RBFOX1: variants seen among roughly 807,000 people sequenced by gnomAD.
RBFOX1 encodes RNA binding protein fox-1 homolog 1.
In RBFOX1, 8 loss-of-function variants were observed where a neutral mutation model predicts 57.7. The observed-to-expected ratio is 0.14, with a 90% CI of 0.08 to 0.25. The LOEUF is 0.25. Ranked by LOEUF, RBFOX1 falls within the 10% of genes least tolerant of loss-of-function variation. The pLI is 1.00. For missense variants in RBFOX1, 611 were observed against 548.5 expected, an observed-to-expected ratio of 1.11 and a Z score of -1.14; for synonymous variants, 326 against 222.4, an observed-to-expected ratio of 1.47 and a Z score of -4.15.
At chr16:6,520,710 C>G (rs1353291485) in intron 2 of RBFOX1, among the ~76,000 whole-genome samples, 1 of 152,128 alleles carries the variant, frequency 6.6e-6, no homozygotes, top group Admixed American at 6.6e-5. Context: ...TTAGTTTGAT[C>G]CAGACACCCT....
Position 6,840,957 on chromosome 16 carries a change from T to C in RBFOX1, c.-16+186307T>C, listed in dbSNP as rs1430683107. 2.6e-5 allele frequency among the ~76,000 whole-genome samples: 4 copies of C among 151,578 alleles called. No individual in the cohort carries two copies. In the East Asian group the frequency reaches 7.7e-4, roughly 29 times the overall value. On this transcript the variant is annotated intron_variant, in intron 3 of 15. Coordinates refer to ENST00000550418, the MANE Select transcript of RBFOX1 (RefSeq NM_018723.4). ...CGCTTTAATCATGTGAAGTTAGAGT[T>C]AAGGGTATCTACCAGGAGGTGGACA... is the stretch of plus-strand genomic sequence containing the variant.
intron 3 of RBFOX1, among the ~76,000 whole-genome samples, chr16:6,759,509 G>C (rs941958528): frequency 3.7e-5 from 5 of 136,330 alleles, no homozygotes; most frequent in Non-Finnish European, 8.1e-5. Context: ...GTGTGTGTGT[G>C]TGTGTGTGTG....
chr16:7,069,732 C>A (rs1253944292), intron 4 of RBFOX1, among the ~76,000 whole-genome samples: 1 of 152,116 alleles, frequency 6.6e-6, no homozygotes, highest in African/African-American at 2.4e-5. Flanking sequence ...GTGTGTTCTG[C>A]CATCTCCCAG....
At chr16:6,813,456 C>T (rs1306116146) in intron 3 of RBFOX1, among the ~76,000 whole-genome samples, 3 of 152,112 alleles carry the variant, frequency 2.0e-5, no homozygotes, top group Admixed American at 6.6e-5. Flanking sequence ...ACCCCAGCTC[C>T]TTCTTAGGTT....
intron 3 of RBFOX1, among the ~76,000 whole-genome samples, chr16:6,729,190 T>C (rs1422726565): frequency 6.6e-6 from 1 of 152,166 alleles, no homozygotes; most frequent in African/African-American, 2.4e-5. Context: ...AAAATAGACT[T>C]ACCTGGGAGA....
At position 7,128,701 on chromosome 16, in the gene RBFOX1, C is replaced by G. The variant is rs950277518; in HGVS notation, c.27+76603C>G. ...TGGATTCAGAGGGTGGGGAACTAAACTCTACCACTTGATGGGAGGATGTTC... is the reference window on the plus strand; with the variant it reads ...TGGATTCAGAGGGTGGGGAACTAAAGTCTACCACTTGATGGGAGGATGTTC... On this transcript the variant is annotated intron_variant, in intron 4 of 15. Coordinates refer to ENST00000550418, the MANE Select transcript of RBFOX1 (RefSeq NM_018723.4). Among the ~76,000 whole-genome samples the G allele has an allele frequency of 1.3e-5, 2 of 152,114 alleles. 1 individual carries two copies. The highest frequency in any genetic ancestry group is 4.8e-5 in the African/African-American group (2 of 41,418).
At chr16:7,576,916 G>A (rs931654686) in intron 5 of RBFOX1, among the ~76,000 whole-genome samples, 6 of 152,124 alleles carry the variant, frequency 3.9e-5, no homozygotes, top group Admixed American at 2.0e-4. Context: ...TGTAAACTCC[G>A]AGTCTGGGTG....
At chr16:6,025,413 G>A (rs1428883659) in intron 1 of RBFOX1, among the ~76,000 whole-genome samples, 1 of 152,172 alleles carries the variant, frequency 6.6e-6, no homozygotes. Flanking sequence ...GTGTGAGGGT[G>A]GAAGACCCTG....
chr16:6,036,093 G>C (rs1387982896), intron 1 of RBFOX1, among the ~76,000 whole-genome samples: 3 of 152,100 alleles, frequency 2.0e-5, no homozygotes, highest in Non-Finnish European at 4.4e-5. Context: ...TCAAAGCCTG[G>C]TGGAGGCAGC....
Position 6,895,448 on chromosome 16 carries a change from G to GTATA in RBFOX1, c.-15-156573_-15-156570dup, listed in dbSNP as rs71147622. Reference sequence around the variant, plus strand: ...TGTGTGTGTGTGTGTGTGTGTGTGTGTATATATATATATATATATATATAT... The same window carrying GTATA: ...TGTGTGTGTGTGTGTGTGTGTGTGTGTATATATATATATATATATATATATATAT... On this transcript the variant is annotated intron_variant, in intron 3 of 15. Coordinates refer to ENST00000550418, the MANE Select transcript of RBFOX1 (RefSeq NM_018723.4). Among the ~76,000 whole-genome samples the GTATA allele has an allele frequency of 2.7e-3, 146 of 54,590 alleles. 1 individual carries two copies. The highest frequency in any genetic ancestry group is 3.6e-3 in the Non-Finnish European group (108 of 29,926). The allele number at this position is 54,590 out of a possible 152,430, so 35.8% of individuals were successfully genotyped here.
chr16:7,014,361 C>T (rs745510835), intron 3 of RBFOX1, among the ~76,000 whole-genome samples: 5 of 152,008 alleles, frequency 3.3e-5, no homozygotes, highest in Non-Finnish European at 5.9e-5. Context: ...TACAGTCATG[C>T]ATCACCACGC....
intron 3 of RBFOX1, among the ~76,000 whole-genome samples, chr16:6,819,357 AACAC>A (rs970893204): frequency 6.6e-6 from 1 of 152,102 alleles, no homozygotes; most frequent in African/African-American, 2.4e-5. Flanking sequence ...GTCTACAGTG[AACAC>A]ACACACACAT....
chr16:6,069,099 A>G (rs1432769028), intron 1 of RBFOX1, among the ~76,000 whole-genome samples: 1 of 152,090 alleles, frequency 6.6e-6, no homozygotes, highest in Admixed American at 6.6e-5. Flanking sequence ...GAGCGAGGGA[A>G]GAGAAAAAGA....
intron 4 of RBFOX1, among the ~76,000 whole-genome samples, chr16:7,161,116 A>T (rs1232705716): frequency 1.3e-5 from 2 of 151,534 alleles, no homozygotes; most frequent in African/African-American, 2.4e-5. Flanking sequence ...TTACATCAAG[A>T]CCAACCTCTG....
rs111931428 is a variant in RBFOX1 at position 6,840,486 on chromosome 16, T to G, written c.-16+185836T>G. 7.8e-4 allele frequency among the ~76,000 whole-genome samples: 118 copies of G among 152,210 alleles called. 1 individual carries two copies. The highest frequency in any genetic ancestry group is 2.7e-3 in the African/African-American group (113 of 41,528). ...GGCTGAATGTTCATGTCCCCCTAAA[T>G]TTGTGTGTTGAAATTCTAATCCCAA... On this transcript the variant is annotated intron_variant, in intron 3 of 15. Coordinates refer to ENST00000550418, the MANE Select transcript of RBFOX1 (RefSeq NM_018723.4).
At chr16:7,689,676 G>A (rs2076908192) in intron 14 of RBFOX1, among the ~76,000 whole-genome samples, 1 of 152,008 alleles carries the variant, frequency 6.6e-6, no homozygotes, top group African/African-American at 2.4e-5. Context: ...AGTTGTGGGT[G>A]ACAGGAATGG....
At chr16:6,812,508 G>C (rs1034701916) in intron 3 of RBFOX1, among the ~76,000 whole-genome samples, 8 of 151,974 alleles carry the variant, frequency 5.3e-5, no homozygotes, top group African/African-American at 1.9e-4. Context: ...TGAGTAGCTG[G>C]GATTACAGGC....
At chr16:5,561,841 A>T (rs1032980718) in intron 2 of RBFOX1, among the ~76,000 whole-genome samples, 5 of 152,120 alleles carry the variant, frequency 3.3e-5, no homozygotes, top group African/African-American at 1.2e-4. Context: ...TTGCAATTTA[A>T]GTTTAGGGTC....
chr16:6,911,269 T>C (rs1206190232), intron 3 of RBFOX1, among the ~76,000 whole-genome samples: 1 of 151,522 alleles, frequency 6.6e-6, no homozygotes, highest in Non-Finnish European at 1.5e-5. Flanking sequence ...CCAGGACTGC[T>C]ATAACAAAGT....
Sources: gnomAD v4.1 joint callset for allele counts (sites outside exome capture counted in the v4.1 genomes callset) on GRCh38, gnomAD v4.1.1 for gene constraint, MANE v1.5 for transcripts, NCBI Gene and HGNC (gene_info 2026-07-23, HGNC 2026-07-21) for gene names.